Variants in ZNF804B observed in about 807,000 individuals in gnomAD.
ZNF804B encodes zinc finger protein 804B.
ZNF804B carries 80 observed loss-of-function variants against 101.4 expected under a neutral mutation model. That is an observed-to-expected ratio of 0.79 (90% CI 0.66 to 0.95). ZNF804B has a LOEUF of 0.95. ZNF804B is among the 40% of genes least tolerant of loss of function. The pLI, the probability that ZNF804B is intolerant of heterozygous loss-of-function variation, is 0.00. For missense variants in ZNF804B, 1,673 were observed against 1,561.9 expected (o/e 1.07, Z -1.20); for synonymous variants, 622 against 558.8 (o/e 1.11, Z -1.59).
At chr7:88,873,139 C>T (rs1039742045) in intron 1 of ZNF804B, among the ~76,000 whole-genome samples, 2 of 152,092 alleles carry the variant, frequency 1.3e-5, no homozygotes, top group African/African-American at 2.4e-5. Flanking sequence ...CTGTTGTTTC[C>T]TGGCTTTTTA....
At position 88,768,474 on chromosome 7, in the gene ZNF804B, T is replaced by G. The variant is rs577485042; in HGVS notation, c.108+8390T>G. 3.3e-5 allele frequency among the ~76,000 whole-genome samples: 5 copies of G among 152,318 alleles called. No individual in the cohort carries two copies. In the South Asian group the frequency reaches 1.0e-3, roughly 32 times the overall value. On this transcript the variant is annotated intron_variant, in intron 1 of 3. Transcript: ENST00000333190. ...GGCTCACGCCTTTAATCCTAGCACTTTGGGAGGCCCAGGTGGGCAGATTGC... is the reference window on the plus strand; with the variant it reads ...GGCTCACGCCTTTAATCCTAGCACTGTGGGAGGCCCAGGTGGGCAGATTGC...
At chr7:89,156,062 TTCTTTCTTTCTC>T (rs1330772845) in intron 1 of ZNF804B, among the ~76,000 whole-genome samples, 3 of 69,954 alleles carry the variant, frequency 4.3e-5, no homozygotes, top group Non-Finnish European at 1.0e-4. Context: ...CTTTCTTTCT[TTCTTTCTTTCTC>T]TCTTTCTCTC....
chr7:89,125,031 GTT>G (rs527257099), intron 1 of ZNF804B, among the ~76,000 whole-genome samples: 3 of 131,616 alleles, frequency 2.3e-5, no homozygotes, highest in African/African-American at 8.2e-5. Flanking sequence ...GACAATTGTT[GTT>G]TTTTTTTTTT....
chr7:89,245,654 CTTT>C (rs1789431676), intron 2 of ZNF804B, among the ~76,000 whole-genome samples: 1 of 152,028 alleles, frequency 6.6e-6, no homozygotes, highest in Admixed American at 6.6e-5. Context: ...GGATTAGAGG[CTTT>C]TAGCATGCTT....
intron 1 of ZNF804B, among the ~76,000 whole-genome samples, chr7:88,878,269 C>T (rs181558859): frequency 1.3e-5 from 2 of 152,098 alleles, no homozygotes; most frequent in Admixed American, 6.6e-5. Context: ...GATTTAAAAC[C>T]AGACTCTGGT....
At chr7:88,793,984 G>T (rs1023691091) in intron 1 of ZNF804B, 3 of 426,824 alleles carry the variant, frequency 7.0e-6, no homozygotes, top group Non-Finnish European at 1.2e-5. Flanking sequence ...GTAAAATAAT[G>T]TATTGAACTT....
intron 2 of ZNF804B, among the ~76,000 whole-genome samples, chr7:89,266,817 A>C (rs1172400177): frequency 6.6e-6 from 1 of 151,952 alleles, no homozygotes; most frequent in Admixed American, 6.6e-5. Flanking sequence ...CCTTTTCAGG[A>C]AATCAAAAAA....
chr7:88,846,784 GTATATA>G (rs1450346168), intron 1 of ZNF804B, among the ~76,000 whole-genome samples: 1 of 149,860 alleles, frequency 6.7e-6, no homozygotes, highest in African/African-American at 2.5e-5. Flanking sequence ...TCATATATAT[GTATATA>G]TGTGTGTATA....
chr7:88,897,673 A>G (rs1792311150), intron 1 of ZNF804B, among the ~76,000 whole-genome samples: 3 of 152,190 alleles, frequency 2.0e-5, no homozygotes, highest in Admixed American at 2.0e-4. Context: ...ATGTATTTGT[A>G]TTCAGCTTCT....
At chr7:89,155,992 CTTCTTTCT>C (rs139417272) in intron 1 of ZNF804B, among the ~76,000 whole-genome samples, 1 of 131,258 alleles carries the variant, frequency 7.6e-6, no homozygotes, top group Non-Finnish European at 1.7e-5. Flanking sequence ...CCTTCCTTTC[CTTCTTTCT>C]TTCTTTCTTT....
At chr7:88,971,875 G>A (rs530357902) in intron 1 of ZNF804B, among the ~76,000 whole-genome samples, 12 of 151,540 alleles carry the variant, frequency 7.9e-5, no homozygotes, top group African/African-American at 2.4e-4. Context: ...GATACTCTAG[G>A]GACCTGGAGT....
At chr7:89,240,120 A>G (rs997873795) in intron 2 of ZNF804B, among the ~76,000 whole-genome samples, 3 of 151,182 alleles carry the variant, frequency 2.0e-5, no homozygotes, top group South Asian at 4.1e-4. Context: ...GAGAAGCATG[A>G]TTTATTTTTC....
intron 1 of ZNF804B, among the ~76,000 whole-genome samples, chr7:89,202,946 A>G (rs1788666411): frequency 6.6e-6 from 1 of 152,116 alleles, no homozygotes; most frequent in East Asian, 1.9e-4. Flanking sequence ...TATTGTAGCT[A>G]GACGTATTCT....
rs1789865057 is a variant in ZNF804B, at chr7:88,759,913, G to A, written c.-64G>A. On this transcript the variant is annotated 5_prime_UTR_variant, in exon 1 of 4. Transcript: ENST00000333190. ...AGTCGCTGTTGCCGCTGAGAAACCC[G>A]CCCGCTTTCCACGGCTGGTCGCCTG... The A allele has an allele frequency of 9.6e-6, 14 of 1,456,946 alleles. No homozygotes were observed. In the East Asian group the frequency reaches 1.4e-4, roughly 14 times the overall value. 90.3% of individuals were successfully genotyped at this position (1,456,946 alleles called of 1,614,324 possible). A position where few individuals can be genotyped will look rare whatever the true frequency, so the allele number is the denominator to read the frequency against.
intron 1 of ZNF804B, among the ~76,000 whole-genome samples, chr7:88,832,089 G>C (rs1583964020): frequency 6.6e-6 from 1 of 151,238 alleles, no homozygotes. Context: ...GGAGCTCTGT[G>C]TTTCCCTAAT....
At chr7:88,826,964 A>G (rs1163415665) in intron 1 of ZNF804B, among the ~76,000 whole-genome samples, 1 of 152,136 alleles carries the variant, frequency 6.6e-6, no homozygotes, top group Non-Finnish European at 1.5e-5. Flanking sequence ...AGTTGTCCCC[A>G]TTATTCCTAC....
chr7:88,872,603 A>G (rs1791847144), intron 1 of ZNF804B, among the ~76,000 whole-genome samples: 2 of 151,840 alleles, frequency 1.3e-5, no homozygotes, highest in South Asian at 2.1e-4. Flanking sequence ...ATATCTCCCA[A>G]TGCCATCCCT....
intron 2 of ZNF804B, among the ~76,000 whole-genome samples, chr7:89,319,791 G>C (rs1382076908): frequency 1.3e-5 from 2 of 152,092 alleles, no homozygotes; most frequent in South Asian, 4.1e-4. Flanking sequence ...GAAGGCTGTG[G>C]ACACTGATCT....
At chr7:89,125,118 T>C (rs1048033710) in intron 1 of ZNF804B, among the ~76,000 whole-genome samples, 1 of 151,980 alleles carries the variant, frequency 6.6e-6, no homozygotes, top group African/African-American at 2.4e-5. Context: ...TGGCTTTTTT[T>C]CTTAATCTCT....
Sources: allele counts gnomAD v4.1 joint callset (sites outside exome capture counted in the v4.1 genomes callset), GRCh38; gene constraint gnomAD v4.1.1; transcripts MANE v1.5; gene names NCBI Gene and HGNC (gene_info 2026-07-23, HGNC 2026-07-21).